The following CCSER1 variants were observed in gnomAD, a reference collection of about 807,000 sequenced individuals.
CCSER1 encodes coiled-coil serine rich protein 1, also known as serine-rich coiled-coil domain-containing protein 1.
Under a neutral mutation model 82.0 loss-of-function variants are expected in CCSER1, and 41 were observed. That is an observed-to-expected ratio of 0.50 (90% CI 0.39 to 0.65). CCSER1 has a LOEUF of 0.65. Ranked by LOEUF, CCSER1 falls within the 30% of genes least tolerant of loss-of-function variation. The pLI, the probability that CCSER1 is intolerant of heterozygous loss-of-function variation, is 0.00. For missense variants in CCSER1, 1,119 were observed against 1,064.2 expected (o/e 1.05, Z -0.72); for synonymous variants, 414 against 383.9 (o/e 1.08, Z -0.92).
intron 5 of CCSER1, among the ~76,000 whole-genome samples, chr4:90,536,648 C>T (rs138938220): frequency 0.011 from 1,657 of 152,290 alleles, 15 homozygotes; most frequent in Non-Finnish European, 0.017. Flanking sequence ...GTACATTGGC[C>T]TGAAAATTAA....
At chr4:91,236,121 G>A (rs1271764237) in intron 10 of CCSER1, among the ~76,000 whole-genome samples, 1 of 152,106 alleles carries the variant, frequency 6.6e-6, no homozygotes, top group East Asian at 1.9e-4. Flanking sequence ...CTTAGAATTA[G>A]CACATTTCAT....
At chr4:90,222,053 A>G (rs1349243401) in intron 1 of CCSER1, among the ~76,000 whole-genome samples, 1 of 152,110 alleles carries the variant, frequency 6.6e-6, no homozygotes, top group African/African-American at 2.4e-5. Context: ...CAAAGAGTAA[A>G]TTTTGCAGGC....
At chr4:90,129,662 T>C (rs1323300364) in intron 1 of CCSER1, among the ~76,000 whole-genome samples, 1 of 152,268 alleles carries the variant, frequency 6.6e-6, no homozygotes, top group Non-Finnish European at 1.5e-5. Flanking sequence ...TTCATTTAAA[T>C]TAATTAGTTA....
chr4:90,986,984 G>A (rs565022819), intron 9 of CCSER1, among the ~76,000 whole-genome samples: 6 of 151,626 alleles, frequency 4.0e-5, no homozygotes, highest in African/African-American at 1.4e-4. Flanking sequence ...TACTGTACAA[G>A]GCAGATGGTC....
chr4:91,172,497 A>G (rs184214660), intron 10 of CCSER1, among the ~76,000 whole-genome samples: 2 of 152,234 alleles, frequency 1.3e-5, no homozygotes, highest in Non-Finnish European at 2.9e-5. Context: ...ACATGAGACT[A>G]TGAAAGAAGG....
intron 9 of CCSER1, among the ~76,000 whole-genome samples, chr4:90,939,036 T>G (rs181261510): frequency 2.9e-3 from 441 of 152,256 alleles, no homozygotes; most frequent in Non-Finnish European, 4.9e-3. Flanking sequence ...GCACTAAGTA[T>G]TTTTGTTCAC....
At chr4:91,188,733 A>T (rs971884640) in intron 10 of CCSER1, among the ~76,000 whole-genome samples, 3 of 152,162 alleles carry the variant, frequency 2.0e-5, no homozygotes, top group Non-Finnish European at 4.4e-5. Flanking sequence ...GAATGATCTG[A>T]CTACTTGTAT....
chr4:90,986,016 C>T (rs961681112), intron 9 of CCSER1, among the ~76,000 whole-genome samples: 34 of 151,608 alleles, frequency 2.2e-4, no homozygotes, highest in African/African-American at 7.0e-4. Flanking sequence ...ATTATTTTTG[C>T]ATTCTGAGAA....
chr4:90,360,627 G>C (rs1302738189), intron 3 of CCSER1, among the ~76,000 whole-genome samples: 2 of 149,690 alleles, frequency 1.3e-5, no homozygotes, highest in Non-Finnish European at 3.0e-5. Context: ...TGCGTCCAAG[G>C]GAGCTTGGAA....
chr4:91,371,636 T>C (rs919499796), intron 10 of CCSER1, among the ~76,000 whole-genome samples: 2 of 150,980 alleles, frequency 1.3e-5, no homozygotes, highest in Admixed American at 1.3e-4. Flanking sequence ...TTCAATAAAC[T>C]TCAGAGTGCT....
intron 10 of CCSER1, among the ~76,000 whole-genome samples, chr4:91,420,531 C>A (rs556080916): frequency 6.6e-6 from 1 of 151,898 alleles, no homozygotes; most frequent in African/African-American, 2.4e-5. Flanking sequence ...GTTAAAAAAA[C>A]AGGAGATAAC....
chr4:91,547,335 G>T (rs767010318), intron 10 of CCSER1, among the ~76,000 whole-genome samples: 2 of 152,066 alleles, frequency 1.3e-5, no homozygotes, highest in African/African-American at 2.4e-5. Context: ...CATCTATTTT[G>T]TCCTGTAGTT....
At chr4:90,506,241 T>C (rs1018015175) in intron 5 of CCSER1, among the ~76,000 whole-genome samples, 3 of 152,204 alleles carry the variant, frequency 2.0e-5, no homozygotes, top group Non-Finnish European at 4.4e-5. Flanking sequence ...TATTAAAATT[T>C]TTTTTCAGAA....
intron 4 of CCSER1, among the ~76,000 whole-genome samples, chr4:90,449,078 G>A (rs938333285): frequency 6.6e-6 from 1 of 152,186 alleles, no homozygotes; most frequent in Non-Finnish European, 1.5e-5. Context: ...GGAAACCACA[G>A]TGGATAGCTC....
chr4:90,993,098 G>A (rs1403554815), intron 9 of CCSER1, among the ~76,000 whole-genome samples: 1 of 151,984 alleles, frequency 6.6e-6, no homozygotes, highest in Non-Finnish European at 1.5e-5. Flanking sequence ...GTTATGTACT[G>A]TTGCTTCCAA....
chr4:91,396,715 G>A (rs1285844674), intron 10 of CCSER1, among the ~76,000 whole-genome samples: 1 of 151,984 alleles, frequency 6.6e-6, no homozygotes, highest in Admixed American at 6.6e-5. Context: ...GAGAAGATAA[G>A]CATTTTCAAG....
At chr4:90,856,273 T>C (rs1193711483) in intron 8 of CCSER1, among the ~76,000 whole-genome samples, 2 of 152,148 alleles carry the variant, frequency 1.3e-5, no homozygotes, top group Non-Finnish European at 2.9e-5. Flanking sequence ...ATTTCTAATG[T>C]ACTTCATTTA....
chr4:91,057,681 C>T (rs1033784980), intron 9 of CCSER1, among the ~76,000 whole-genome samples: 22 of 152,096 alleles, frequency 1.4e-4, no homozygotes, highest in South Asian at 1.2e-3. Flanking sequence ...TCTGGATTGT[C>T]ATTTCATAGA....
chr4:91,322,057 T>A (rs1251215219), intron 10 of CCSER1, among the ~76,000 whole-genome samples: 1 of 152,098 alleles, frequency 6.6e-6, no homozygotes, highest in Admixed American at 6.6e-5. Context: ...GAATATCGGA[T>A]GAATGAATGA....
Sources: allele counts gnomAD v4.1 joint callset (sites outside exome capture counted in the v4.1 genomes callset), GRCh38; gene constraint gnomAD v4.1.1; transcripts MANE v1.5; gene names NCBI Gene and HGNC (gene_info 2026-07-23, HGNC 2026-07-21).